Variants in ACAT2 observed in about 807,000 individuals in gnomAD.
ACAT2 encodes the protein acetyl-CoA acetyltransferase 2, also known as acetyl-CoA acetyltransferase, cytosolic.
A neutral mutation model predicts 37.1 loss-of-function variants in ACAT2; 26 were observed. The ratio of observed to expected loss-of-function variants is 0.70; its 90% CI spans 0.51 to 0.97. ACAT2 has a LOEUF of 0.97. Among genes scored for constraint, ACAT2 ranks in the 50% least tolerant of loss-of-function variants. The pLI, the probability that ACAT2 is intolerant of heterozygous loss-of-function variation, is 0.00. For synonymous variants in ACAT2, 156 were observed against 163.6 expected (o/e 0.95, Z 0.35); for missense variants, 468 against 489.0 (o/e 0.96, Z 0.40).
In ACAT2 at chr6:159,778,735, TAC is replaced by T; in HGVS notation, c.1107_1108del (p.Leu370GlyfsTer46). On this transcript the variant is annotated frameshift_variant, in exon 9 of 9. Transcript: ENST00000367048. LOFTEE classifies it high-confidence loss of function. ...GGCTGTCGAATTCTTGTGACCCTGT[TAC>T]ACACACTGGAGAGAATGGGCAGAAG... is the stretch of plus-strand genomic sequence containing the variant. The T allele has an allele frequency of 6.2e-7, 1 of 1,614,254 alleles. No homozygotes were observed. Among genetic ancestry groups the T allele is most frequent in the Non-Finnish European group, 8.5e-7 (1 of 1,180,044 alleles).
At chr6:159,775,745 A>T (rs147252932) in intron 5 of ACAT2, 63 of 199,466 alleles carry the variant, frequency 3.2e-4, no homozygotes, top group Non-Finnish European at 4.9e-4. Context: ...TCTAATACAG[A>T]ATGCTCCCGT....
intron 2 of ACAT2, among the ~76,000 whole-genome samples, chr6:159,765,177 G>A (rs977115209): frequency 4.6e-5 from 7 of 151,256 alleles, no homozygotes; most frequent in Non-Finnish European, 1.0e-4. Flanking sequence ...GTGCAGTGAC[G>A]CAATCTTGGC....
Position 159,778,291 on chromosome 6 carries a change from A to G in ACAT2, c.1023+11A>G. Reference sequence around the variant, plus strand: ...TTAAACCCAGAGAAGGTAAAGATGCACAAGTAACCCTGAGAGCTTACCAGT... The same window carrying G: ...TTAAACCCAGAGAAGGTAAAGATGCGCAAGTAACCCTGAGAGCTTACCAGT... On this transcript the variant is annotated intron_variant, in intron 8 of 8. Transcript: ENST00000367048. The G allele has an allele frequency of 1.3e-6, 2 of 1,563,240 alleles. No individual in the cohort carries two copies. The highest frequency in any genetic ancestry group is 2.2e-5 in the East Asian group (1 of 44,578).
chr6:159,778,675 G>A lies in ACAT2; in HGVS notation c.1040G>A (p.Gly347Glu), dbSNP rs753917806. The A allele has an allele frequency of 6.2e-7, 1 of 1,614,098 alleles. No homozygotes were observed. The highest frequency in any genetic ancestry group is 8.5e-7 in the Non-Finnish European group (1 of 1,179,996). Residue 347 changes from glycine (G) to glutamate (E), a missense_variant, in exon 9 of 9, where the codon GGG becomes GAG. Physicochemically the swap from Gly to Glu is moderately conservative, Grantham distance 98. Transcript: ENST00000367048. ...LNPEKVNIEGGAIALGHPLGA... is the reference protein window; with the variant it reads ...LNPEKVNIEGEAIALGHPLGA... ...CCCCGTTAGGTCAATATTGAAGGAG[G>A]GGCTATAGCCTTGGGCCACCCTCTT...
At chr6:159,766,593 G>C (rs1284181439) in intron 2 of ACAT2, among the ~76,000 whole-genome samples, 1 of 152,126 alleles carries the variant, frequency 6.6e-6, no homozygotes, top group Admixed American at 6.6e-5. Flanking sequence ...TACAGACAGA[G>C]TTTCTCCATG....
chr6:159,770,832 A>G (rs1247658940), intron 4 of ACAT2, among the ~76,000 whole-genome samples: 4 of 152,184 alleles, frequency 2.6e-5, no homozygotes, highest in African/African-American at 7.2e-5. Context: ...TGGGAGGCCA[A>G]GCCGGGTAGA....
intron 8 of ACAT2, 168 bp from the exon 9 acceptor site, chr6:159,778,491 G>A (rs1196972430): frequency 2.5e-6 from 2 of 799,606 alleles, no homozygotes; most frequent in East Asian, 2.8e-5. Context: ...GGTAAGATAG[G>A]CAGGGATGAA....
chr6:159,771,899 A>G (rs1780342860), intron 4 of ACAT2, among the ~76,000 whole-genome samples: 1 of 152,066 alleles, frequency 6.6e-6, no homozygotes, highest in Non-Finnish European at 1.5e-5. Context: ...AGTCTGGTTA[A>G]CATAGTGACA....
At chr6:159,775,051 C>T in intron 4 of ACAT2, 119 bp from the exon 5 acceptor site, 1 of 1,183,378 alleles carries the variant, frequency 8.5e-7, no homozygotes, top group Non-Finnish European at 1.2e-6. Context: ...ATTGCACAGG[C>T]CACCATGAGC....
chr6:159,764,304 G>C (rs1780218787), intron 2 of ACAT2, among the ~76,000 whole-genome samples: 1 of 152,114 alleles, frequency 6.6e-6, no homozygotes, highest in Non-Finnish European at 1.5e-5. Context: ...TCAGTTCTGA[G>C]CTTGGAAAAT....
intron 2 of ACAT2, among the ~76,000 whole-genome samples, chr6:159,764,427 A>C (rs1369100048): frequency 1.3e-5 from 2 of 151,638 alleles, no homozygotes; most frequent in East Asian, 1.9e-4. Context: ...ACTCGTAATT[A>C]ATTAATTAAT....
intron 4 of ACAT2, among the ~76,000 whole-genome samples, chr6:159,771,013 T>G (rs1305998716): frequency 6.6e-6 from 1 of 151,982 alleles, no homozygotes; most frequent in Non-Finnish European, 1.5e-5. Context: ...TGCAGCAAGC[T>G]GAGATCACAC....
At chr6:159,775,729 C>T (rs1185332411) in intron 5 of ACAT2, 1 of 198,704 alleles carries the variant, frequency 5.0e-6, no homozygotes, top group African/African-American at 2.4e-5. Flanking sequence ...GGGTCACTCG[C>T]TATTTTCTAA....
chr6:159,767,828 A>AAAAAT (rs1210471656), intron 3 of ACAT2, among the ~76,000 whole-genome samples: 19 of 152,246 alleles, frequency 1.2e-4, no homozygotes, highest in African/African-American at 4.3e-4. Context: ...TAAAGGTAAC[A>AAAAAT]AAAATAATCG....
chr6:159,773,320 A>G (rs1780366379), intron 4 of ACAT2, among the ~76,000 whole-genome samples: 1 of 152,198 alleles, frequency 6.6e-6, no homozygotes, highest in Non-Finnish European at 1.5e-5. Flanking sequence ...GGAAGTTTCT[A>G]CTGAACAGAC....
At chr6:159,766,377 G>A (rs1003299392) in intron 2 of ACAT2, among the ~76,000 whole-genome samples, 1 of 151,218 alleles carries the variant, frequency 6.6e-6, no homozygotes, top group Admixed American at 6.6e-5. Context: ...ACATAGGTTT[G>A]ATAATGCTTA....
At chr6:159,764,231 A>C (rs1780217442) in intron 2 of ACAT2, among the ~76,000 whole-genome samples, 1 of 152,086 alleles carries the variant, frequency 6.6e-6, no homozygotes, top group South Asian at 2.1e-4. Flanking sequence ...TGTGCCCCAT[A>C]CTGTGCTTAG....
chr6:159,764,558 C>T (rs73601360), intron 2 of ACAT2, among the ~76,000 whole-genome samples: 3 of 152,098 alleles, frequency 2.0e-5, no homozygotes, highest in Non-Finnish European at 4.4e-5. Context: ...TATCCTCCCA[C>T]CTCAGCCTCT....
intron 6 of ACAT2, among the ~76,000 whole-genome samples, chr6:159,776,696 T>C (rs1371314963): frequency 6.6e-6 from 1 of 152,240 alleles, no homozygotes; most frequent in Non-Finnish European, 1.5e-5. Flanking sequence ...CCTTTGTATT[T>C]TTCCAGTACC....
Sources: gnomAD v4.1 joint callset for allele counts (sites outside exome capture counted in the v4.1 genomes callset) on GRCh38, gnomAD v4.1.1 for gene constraint, MANE v1.5 for transcripts, NCBI Gene and HGNC (gene_info 2026-07-23, HGNC 2026-07-21) for gene names.